Variants in PARD3 observed in about 807,000 individuals in gnomAD.
The protein encoded by PARD3 is partitioning defective 3 homolog.
A neutral mutation model predicts 155.4 loss-of-function variants in PARD3; 75 were observed. The observed-to-expected ratio is 0.48, with a 90% CI of 0.40 to 0.58. The LOEUF is 0.58. PARD3 is among the 20% of genes least tolerant of loss of function. The probability of loss-of-function intolerance (pLI) is 0.00; values close to 1 mark genes in which losing one functional copy is unlikely to be tolerated. For missense variants in PARD3, 1,642 were observed against 1,721.7 expected (o/e 0.95, Z 0.82); for synonymous variants, 576 against 610.5 (o/e 0.94, Z 0.83).
In PARD3 at chr10:34,595,187, T is replaced by C. The variant is rs138568110; in HGVS notation, c.223-78028A>G. On this transcript the variant is annotated intron_variant, in intron 2 of 24. Transcript: ENST00000374788. ...CAAGTTCAGACTACAGTTTGTGACA[T>C]TCTGTCTCCCTTCTTCCATTCCGGC... is the stretch of plus-strand genomic sequence containing the variant. Among the ~76,000 whole-genome samples the C allele has an allele frequency of 1.5e-4, 23 of 152,338 alleles. No homozygotes were observed. The East Asian group carries it at 4.2e-3, about 28-fold the overall frequency.
chr10:34,459,495 A>G (rs1444670342), intron 4 of PARD3, among the ~76,000 whole-genome samples: 1 of 152,094 alleles, frequency 6.6e-6, no homozygotes, highest in Admixed American at 6.6e-5. Context: ...AAAATGCTCC[A>G]CTCTAAATAT....
At chr10:34,379,277 G>T (rs1589369873) in intron 9 of PARD3, among the ~76,000 whole-genome samples, 1 of 152,048 alleles carries the variant, frequency 6.6e-6, no homozygotes, top group Non-Finnish European at 1.5e-5. Context: ...CATTAAAGGA[G>T]AAATAAAGAA....
chr10:34,398,911 A>C (rs1843618398), intron 7 of PARD3, among the ~76,000 whole-genome samples: 1 of 152,092 alleles, frequency 6.6e-6, no homozygotes, highest in Admixed American at 6.6e-5. Context: ...TTGAAGAACT[A>C]AACACAAATT....
intron 2 of PARD3, among the ~76,000 whole-genome samples, chr10:34,689,765 C>T (rs1297361053): frequency 1.3e-5 from 2 of 151,982 alleles, no homozygotes; most frequent in African/African-American, 4.8e-5. Flanking sequence ...TTTTAATATG[C>T]CACTATTTAA....
chr10:34,380,543 G>A (rs534394290), intron 9 of PARD3, among the ~76,000 whole-genome samples: 1 of 151,968 alleles, frequency 6.6e-6, no homozygotes, highest in African/African-American at 2.4e-5. Context: ...ATAAAAATTA[G>A]ATATACTCAT....
chr10:34,307,827 T>C (rs1957490721), intron 20 of PARD3, among the ~76,000 whole-genome samples: 1 of 151,838 alleles, frequency 6.6e-6, no homozygotes, highest in African/African-American at 2.4e-5. Flanking sequence ...AGGGGAAAAA[T>C]GGGTTAACAT....
chr10:34,706,072 T>C (rs1451764861), intron 1 of PARD3, among the ~76,000 whole-genome samples: 2 of 152,156 alleles, frequency 1.3e-5, no homozygotes, highest in African/African-American at 4.8e-5. Flanking sequence ...ATGAAGGGAA[T>C]GGCCTCAGAC....
intron 1 of PARD3, among the ~76,000 whole-genome samples, chr10:34,761,172 A>G (rs1338464218): frequency 6.6e-6 from 1 of 152,162 alleles, no homozygotes; most frequent in Non-Finnish European, 1.5e-5. Context: ...GCACTCTGGG[A>G]GGCTGAGGCA....
chr10:34,214,661 A>G (rs1301882621), intron 22 of PARD3, among the ~76,000 whole-genome samples: 1 of 143,544 alleles, frequency 7.0e-6, no homozygotes, highest in Non-Finnish European at 1.6e-5. Context: ...TGCAAAAAAT[A>G]AAAAAAAATA....
intron 2 of PARD3, among the ~76,000 whole-genome samples, chr10:34,653,788 C>A (rs927624156): frequency 2.7e-5 from 2 of 74,190 alleles, no homozygotes; most frequent in African/African-American, 7.6e-5. Context: ...AGCAAGACCT[C>A]GACTCCAAAA....
At chr10:34,761,050 T>C (rs1338446647) in intron 1 of PARD3, among the ~76,000 whole-genome samples, 1 of 151,922 alleles carries the variant, frequency 6.6e-6, no homozygotes, top group South Asian at 2.1e-4. Flanking sequence ...TATTTGGACA[T>C]AAAATTCAAC....
chr10:34,712,664 G>A (rs184925586), intron 1 of PARD3, among the ~76,000 whole-genome samples: 7 of 152,216 alleles, frequency 4.6e-5, no homozygotes, highest in African/African-American at 1.7e-4. Context: ...TTGCCAAGGT[G>A]ACACATTAGG....
intron 22 of PARD3, among the ~76,000 whole-genome samples, chr10:34,249,155 T>TA (rs1203933036): frequency 6.6e-6 from 1 of 152,172 alleles, no homozygotes; most frequent in Non-Finnish European, 1.5e-5. Context: ...TGAATACATA[T>TA]ACATCTACAT....
chr10:34,251,749 G>A lies in PARD3; in HGVS notation c.3419+17908C>T, dbSNP rs59678835. Among the ~76,000 whole-genome samples, 1,191 of 152,250 alleles carry A rather than the reference G, an allele frequency of 7.8e-3. 16 individuals carry two copies. Among genetic ancestry groups the A allele is most frequent in the African/African-American group, 0.027 (1,137 of 41,534 alleles). On this transcript the variant is annotated intron_variant, in intron 22 of 24. Coordinates refer to ENST00000374788, the MANE Select transcript of PARD3 (RefSeq NM_001184785.2). ...CAAAAGGGACTTTAACACTTAAAAT[G>A]TTTAACTGCATTTTGCTGACAGAAA...
intron 1 of PARD3, among the ~76,000 whole-genome samples, chr10:34,797,167 G>A (rs984906914): frequency 3.3e-5 from 5 of 152,120 alleles, no homozygotes; most frequent in African/African-American, 1.2e-4. Flanking sequence ...CTAAGTAAGT[G>A]GTTAACAAGG....
chr10:34,252,116 G>C (rs2133744409), intron 22 of PARD3, among the ~76,000 whole-genome samples: 1 of 152,276 alleles, frequency 6.6e-6, no homozygotes, highest in Middle Eastern at 3.4e-3. Context: ...GGGTGTGCTG[G>C]GGAGGGGGAG....
chr10:34,280,050 G>C (rs1415782423), intron 21 of PARD3, among the ~76,000 whole-genome samples: 2 of 151,984 alleles, frequency 1.3e-5, no homozygotes, highest in Non-Finnish European at 2.9e-5. Flanking sequence ...CAAAATACAA[G>C]CCAGCTAACA....
intron 1 of PARD3, among the ~76,000 whole-genome samples, chr10:34,720,220 T>A (rs1033496352): frequency 1.3e-5 from 2 of 152,080 alleles, no homozygotes; most frequent in Non-Finnish European, 2.9e-5. Context: ...ATCGCCTGAG[T>A]GTCAGGCGTT....
intron 22 of PARD3, among the ~76,000 whole-genome samples, chr10:34,212,195 C>G (rs1448638665): frequency 3.9e-5 from 6 of 152,062 alleles, no homozygotes; most frequent in Non-Finnish European, 7.4e-5. Context: ...CAACACTTAC[C>G]ATCATGACTC....
Sources: gnomAD v4.1 joint callset for allele counts (sites outside exome capture counted in the v4.1 genomes callset) on GRCh38, gnomAD v4.1.1 for gene constraint, MANE v1.5 for transcripts, NCBI Gene and HGNC (gene_info 2026-07-23, HGNC 2026-07-21) for gene names.